GMPS: variants seen among roughly 807,000 people sequenced by gnomAD.
GMPS encodes the protein GMP synthase [glutamine-hydrolyzing].
A neutral mutation model predicts 77.9 loss-of-function variants in GMPS; 15 were observed. The observed-to-expected ratio is 0.19, with a 90% CI of 0.13 to 0.30. The LOEUF (loss-of-function observed/expected upper bound fraction) is 0.30. Among genes scored for constraint, GMPS ranks in the 10% least tolerant of loss-of-function variants. GMPS has a pLI of 1.00. For synonymous variants in GMPS, 224 were observed against 275.9 expected (o/e 0.81, Z 1.86); for missense variants, 590 against 838.8 (o/e 0.70, Z 3.66).
intron 1 of GMPS, among the ~76,000 whole-genome samples, chr3:155,892,993 A>G (rs764617129): frequency 6.6e-5 from 10 of 152,232 alleles, no homozygotes; most frequent in Non-Finnish European, 1.3e-4. Context: ...TTTTCCTCAG[A>G]TAATACAAAA....
intron 3 of GMPS, among the ~76,000 whole-genome samples, chr3:155,901,210 C>A (rs1321816780): frequency 6.6e-6 from 1 of 151,932 alleles, no homozygotes; most frequent in East Asian, 1.9e-4. Flanking sequence ...TTTTTTATGG[C>A]TTTATGCATA....
rs1284954781 is a variant in GMPS at position 155,916,210 on chromosome 3, C to G, written c.1212+18C>G. ...GAGAGGAGGTAAAAGTTTATGAAAA[C>G]TTTTTCATAAAGTAGATACATGGAA... On this transcript the variant is annotated intron_variant, in intron 9 of 15. Transcript: ENST00000496455. The G allele has an allele frequency of 8.4e-6, 13 of 1,547,734 alleles. No homozygotes were observed. The highest frequency in any genetic ancestry group is 1.2e-5 in the Non-Finnish European group (13 of 1,124,596).
At chr3:155,918,088 A>G (rs115512899) in intron 9 of GMPS, among the ~76,000 whole-genome samples, 187 of 152,030 alleles carry the variant, frequency 1.2e-3, no homozygotes, top group African/African-American at 4.0e-3. Flanking sequence ...AATGACTCCA[A>G]TTTTTCCAAA....
In GMPS at chr3:155,942,679, A is replaced by G; in HGVS notation, c.*4987A>G. On this transcript the variant is annotated 3_prime_UTR_variant, in exon 16 of 16. Transcript: ENST00000496455. ...TGCTAATTTTGAGATCTGGGCAACA[A>G]CTGTGTAGGCTGTTCTTTCAACCTC... is the stretch of plus-strand genomic sequence containing the variant. The G allele has an allele frequency of 4.4e-6, 1 of 229,068 alleles. No individual in the cohort carries two copies. Among genetic ancestry groups the G allele is most frequent in the East Asian group, 6.2e-5 (1 of 16,042 alleles). The allele number at this position is 229,068 out of a possible 1,614,324, so 14.2% of individuals were successfully genotyped here. A position where few individuals can be genotyped will look rare whatever the true frequency, so the allele number is the denominator to read the frequency against.
At position 155,941,452 on chromosome 3, in the gene GMPS, TA is replaced by T; in HGVS notation, c.*3763del. 5.0e-6 allele frequency: 1 copy of T among 198,788 alleles called. No individual in the cohort carries two copies. Among genetic ancestry groups the T allele is most frequent in the African/African-American group, 2.3e-5 (1 of 42,816 alleles). 12.3% of individuals were successfully genotyped at this position (198,788 alleles called of 1,614,324 possible). A position where few individuals can be genotyped will look rare whatever the true frequency, so the allele number is the denominator to read the frequency against. On this transcript the variant is annotated 3_prime_UTR_variant, in exon 16 of 16. Transcript: ENST00000496455. ...TTAGTGTGTAATTGACCATCAGGGATAAATGGGCTTCAAAAGTGTTAATTGT... is the reference window on the plus strand; with the variant it reads ...TTAGTGTGTAATTGACCATCAGGGATAATGGGCTTCAAAAGTGTTAATTGT...
intron 2 of GMPS, among the ~76,000 whole-genome samples, chr3:155,896,729 A>ATTTT (rs1020255894): frequency 2.1e-4 from 19 of 92,002 alleles, no homozygotes; most frequent in Non-Finnish European, 2.9e-4. Flanking sequence ...CCTTACTGAG[A>ATTTT]TTTTTTTTTT....
intron 1 of GMPS, among the ~76,000 whole-genome samples, chr3:155,891,433 G>A (rs867421055): frequency 2.1e-4 from 32 of 152,070 alleles, no homozygotes; most frequent in Admixed American, 9.8e-4. Context: ...AATACTAAGG[G>A]TAAAGGTCTG....
rs60448476 is a variant in GMPS at position 155,931,683 on chromosome 3, T to TAA, written c.1561-69_1561-68dup. ...TTCAATGCATCTTTTCTTTTTTTTT[T>TAA]AAAAAAAAAAAAAAGCTTTGTCAAG... On this transcript the variant is annotated intron_variant, in intron 12 of 15. Coordinates refer to ENST00000496455, the MANE Select transcript of GMPS (RefSeq NM_003875.3). 3.0e-3 allele frequency: 1,194 copies of TAA among 398,762 alleles called. 14 individuals are homozygous for TAA. The highest frequency in any genetic ancestry group is 0.021 in the African/African-American group (924 of 44,416). 24.7% of individuals were successfully genotyped at this position (398,762 alleles called of 1,614,324 possible). A position where few individuals can be genotyped will look rare whatever the true frequency, so the allele number is the denominator to read the frequency against.
At chr3:155,926,594 TAAAAA>T (rs895601406) in intron 12 of GMPS, among the ~76,000 whole-genome samples, 3 of 150,208 alleles carry the variant, frequency 2.0e-5, no homozygotes, top group Admixed American at 6.6e-5. Context: ...AAATAAAAAA[TAAAAA>T]AAAAGAAATT....
intron 2 of GMPS, chr3:155,895,470 C>G (rs574315197): frequency 3.9e-5 from 6 of 152,070 alleles, no homozygotes; most frequent in Admixed American, 3.9e-4. Context: ...GCTGCCATGC[C>G]TGGTTAATTT....
At chr3:155,900,282 G>C (rs1298872474) in intron 3 of GMPS, among the ~76,000 whole-genome samples, 2 of 151,286 alleles carry the variant, frequency 1.3e-5, no homozygotes, top group African/African-American at 2.4e-5. Context: ...TTATGAGTTT[G>C]ACTTGGCAAA....
chr3:155,901,832 T>C (rs189321035), intron 3 of GMPS, among the ~76,000 whole-genome samples: 2 of 152,268 alleles, frequency 1.3e-5, no homozygotes, highest in East Asian at 3.9e-4. Context: ...TGGGAGCCTT[T>C]ATATATTCTG....
chr3:155,928,274 G>A (rs1296584421), intron 12 of GMPS, among the ~76,000 whole-genome samples: 14 of 150,828 alleles, frequency 9.3e-5, no homozygotes, highest in South Asian at 8.8e-4. Flanking sequence ...CAATCCACCC[G>A]CCTCGGCCTC....
intron 6 of GMPS, 45 bp downstream of exon 6, chr3:155,910,930 T>TA: frequency 7.4e-7 from 1 of 1,353,228 alleles, no homozygotes; most frequent in Non-Finnish European, 1.0e-6. Context: ...ATATCAATAA[T>TA]ATTGGAATCC....
At chr3:155,875,688 A>G (rs1216532797) in intron 1 of GMPS, among the ~76,000 whole-genome samples, 1 of 152,272 alleles carries the variant, frequency 6.6e-6, no homozygotes, top group Admixed American at 6.5e-5. Context: ...TGTGTGGCAT[A>G]TACAATTCTG....
At chr3:155,935,675 C>T (rs536479398) in intron 14 of GMPS, among the ~76,000 whole-genome samples, 1 of 152,262 alleles carries the variant, frequency 6.6e-6, no homozygotes, top group Admixed American at 6.5e-5. Context: ...TTTTCATGGT[C>T]TCCTTGATGC....
Position 155,893,545 on chromosome 3 carries a change from G to T in GMPS, c.55G>T (p.Asp19Tyr). The change falls in exon 2 of 16, where the codon GAT (aspartate) becomes TAT (tyrosine). Residue 19 changes from aspartate to tyrosine, a missense_variant. Around this residue, in one of 6 missense-constraint regions of GMPS, gnomAD observed 47 missense variants for 45.5 expected, o/e 1.03. Transcript: ENST00000496455. ...GGAGAATGCTGGAGGAGACCTTAAGGATGGCCACCACCACTATGAAGGAGC... is the reference window on the plus strand; with the variant it reads ...GGAGAATGCTGGAGGAGACCTTAAGTATGGCCACCACCACTATGAAGGAGC... ...KLENAGGDLK[D>Y]GHHHYEGAVV... 1 of 1,611,132 alleles carries T rather than the reference G, an allele frequency of 6.2e-7. No homozygotes were observed. Among genetic ancestry groups the T allele is most frequent in the South Asian group, 1.1e-5 (1 of 90,740 alleles).
At chr3:155,912,688 TC>T (rs1289075827) in intron 7 of GMPS, among the ~76,000 whole-genome samples, 1 of 152,216 alleles carries the variant, frequency 6.6e-6, no homozygotes, top group African/African-American at 2.4e-5. Context: ...TTATTCTGGT[TC>T]TTGAAGGAGT....
intron 10 of GMPS, among the ~76,000 whole-genome samples, chr3:155,921,508 T>C (rs1755315884): frequency 6.6e-6 from 1 of 152,134 alleles, no homozygotes; most frequent in South Asian, 2.1e-4. Context: ...ACTTAATACA[T>C]GGACTGTAAA....
Sources: allele counts gnomAD v4.1 joint callset (sites outside exome capture counted in the v4.1 genomes callset), GRCh38; gene constraint gnomAD v4.1.1; regional missense constraint gnomAD v4.1.1; transcripts MANE v1.5; gene names NCBI Gene and HGNC (gene_info 2026-07-23, HGNC 2026-07-21).